MAST4: variants seen among roughly 807,000 people sequenced by gnomAD.
The protein encoded by MAST4 is microtubule associated serine/threonine kinase family member 4, also known as microtubule-associated serine/threonine-protein kinase 4.
A neutral mutation model predicts 162.7 loss-of-function variants in MAST4; 89 were observed. The observed-to-expected ratio is 0.55, with a 90% CI of 0.46 to 0.65. The LOEUF (loss-of-function observed/expected upper bound fraction) is 0.65, where lower values mean the gene tolerates loss of function less well. MAST4 is among the 30% of genes least tolerant of loss of function. The pLI is 0.00. For missense variants in MAST4, 3,153 were observed against 3,374.0 expected, an observed-to-expected ratio of 0.93 and a Z score of 1.62; for synonymous variants, 1,479 against 1,361.1, an observed-to-expected ratio of 1.09 and a Z score of -1.91.
rs533501379 is a variant in MAST4, at chr5:66,742,805, G to A, written c.364-16904G>A. Among the ~76,000 whole-genome samples the A allele has an allele frequency of 4.6e-5, 7 of 152,222 alleles. No homozygotes were observed. In the South Asian group the frequency reaches 6.2e-4, roughly 14 times the overall value. On this transcript the variant is annotated intron_variant, in intron 1 of 28. Coordinates refer to ENST00000403625, the MANE Select transcript of MAST4 (RefSeq NM_001164664.2). ...GGCCTGTTTGGAGCCAGATCTTGTCGTCAAGAACAAATACATGAAGGAAGT... is the reference window on the plus strand; with the variant it reads ...GGCCTGTTTGGAGCCAGATCTTGTCATCAAGAACAAATACATGAAGGAAGT...
At chr5:66,711,660 C>G (rs113233639) in intron 1 of MAST4, among the ~76,000 whole-genome samples, 6 of 152,104 alleles carry the variant, frequency 3.9e-5, no homozygotes, top group Non-Finnish European at 8.8e-5. Context: ...CATGGTGAAA[C>G]CCCATCTCCA....
Position 67,090,200 on chromosome 5 carries a change from A to G in MAST4, c.802A>G (p.Ser268Gly), listed in dbSNP as rs775846433. 6.2e-7 allele frequency: 1 copy of G among 1,612,936 alleles called. No homozygotes were observed. Among genetic ancestry groups the G allele is most frequent in the South Asian group, 1.1e-5 (1 of 90,896 alleles). The change falls in exon 6 of 29, where the codon AGT (serine) becomes GGT (glycine). Residue 268 changes from serine to glycine, a missense_variant. Coordinates refer to ENST00000403625, the MANE Select transcript of MAST4 (RefSeq NM_001164664.2). ...AGATAGTCCAAGAAATTTCTCCCCC[A>G]GTGCCTCAGCCCATTTTTCATTTGC... Reference protein sequence around the residue: ...PQDSPRNFSPSASAHFSFARR... With the variant: ...PQDSPRNFSPGASAHFSFARR...
intron 3 of MAST4, among the ~76,000 whole-genome samples, chr5:66,822,606 A>G (rs1465141740): frequency 6.6e-6 from 1 of 151,966 alleles, no homozygotes; most frequent in Non-Finnish European, 1.5e-5. Context: ...CTCTTCCTCC[A>G]CCCCTCCTGC....
chr5:66,668,140 G>A (rs967032637), intron 1 of MAST4, among the ~76,000 whole-genome samples: 2 of 152,170 alleles, frequency 1.3e-5, no homozygotes, highest in Non-Finnish European at 2.9e-5. Flanking sequence ...ATAACAACTG[G>A]AAATGTAAAG....
At position 67,145,347 on chromosome 5, in the gene MAST4, C is replaced by T; in HGVS notation, c.3062C>T (p.Pro1021Leu). ...CAGGAGGAGCCTGAGGTCACCACCC[C>T]AGCCAGCACCATCAGCAGCTCCACC... is the stretch of plus-strand genomic sequence containing the variant. ...CAQEEPEVTT[P>L]ASTISSSTLS... The change falls in exon 23 of 29, where the codon CCA becomes CTA. Residue 1021 changes from proline to leucine, a missense_variant. Pro to Leu is a moderately conservative substitution (Grantham distance 98, BLOSUM62 -3). Around this residue, in one of 7 missense-constraint regions of MAST4, gnomAD observed 619 missense variants for 744.2 expected, o/e 0.83. Transcript: ENST00000403625. 6.2e-7 allele frequency: 1 copy of T among 1,613,296 alleles called. No homozygotes were observed. The highest frequency in any genetic ancestry group is 8.5e-7 in the Non-Finnish European group (1 of 1,179,870).
intron 6 of MAST4, among the ~76,000 whole-genome samples, chr5:67,093,990 T>C (rs1214282826): frequency 1.3e-5 from 2 of 152,242 alleles, no homozygotes; most frequent in Non-Finnish European, 2.9e-5. Flanking sequence ...AAGCATGTTA[T>C]TACAATTACT....
At chr5:67,001,347 C>CTT (rs1666792455) in intron 4 of MAST4, 1 of 152,226 alleles carries the variant, frequency 6.6e-6, no homozygotes, top group South Asian at 2.1e-4. Flanking sequence ...GTACAATCCA[C>CTT]TTTCGCTCAC....
At chr5:66,904,683 TG>T (rs112075872) in intron 4 of MAST4, among the ~76,000 whole-genome samples, 21,759 of 152,080 alleles carry the variant, frequency 0.14, 1,817 homozygotes, top group South Asian at 0.22. Context: ...CTTGCTTGCT[TG>T]ATTGATGGAT....
intron 4 of MAST4, among the ~76,000 whole-genome samples, chr5:66,992,208 A>T (rs937658098): frequency 6.6e-6 from 1 of 152,186 alleles, no homozygotes; most frequent in Non-Finnish European, 1.5e-5. Flanking sequence ...ATGCATTACC[A>T]TGCTGCTATA....
At chr5:66,715,983 T>G (rs553832246) in intron 1 of MAST4, among the ~76,000 whole-genome samples, 4 of 152,218 alleles carry the variant, frequency 2.6e-5, no homozygotes, top group African/African-American at 9.6e-5. Flanking sequence ...TTAGAACCAT[T>G]TGGTCACAGG....
At chr5:66,602,554 T>C (rs1579960106) in intron 1 of MAST4, among the ~76,000 whole-genome samples, 1 of 149,778 alleles carries the variant, frequency 6.7e-6, no homozygotes, top group Admixed American at 6.7e-5. Flanking sequence ...GTCATGGAAG[T>C]GGGGTATAAA....
intron 4 of MAST4, among the ~76,000 whole-genome samples, chr5:66,953,506 G>T (rs1744937781): frequency 6.6e-6 from 1 of 152,070 alleles, no homozygotes. Context: ...GTATGGCATG[G>T]AGACCCTGAT....
At chr5:67,039,620 G>T (rs183506598) in intron 4 of MAST4, among the ~76,000 whole-genome samples, 1 of 152,154 alleles carries the variant, frequency 6.6e-6, no homozygotes, top group African/African-American at 2.4e-5. Flanking sequence ...ACAAGTGTTC[G>T]TACCTATAAG....
intron 1 of MAST4, among the ~76,000 whole-genome samples, chr5:66,751,718 C>G (rs1753183920): frequency 6.6e-6 from 1 of 150,648 alleles, no homozygotes; most frequent in African/African-American, 2.5e-5. Context: ...GGAAAACACT[C>G]TGCAGGATAT....
chr5:67,038,496 G>A (rs76544846), intron 4 of MAST4, among the ~76,000 whole-genome samples: 1,868 of 152,112 alleles, frequency 0.012, 40 homozygotes, highest in African/African-American at 0.041. Context: ...GGAGTAACGT[G>A]GCTACTTACA....
chr5:66,878,345 C>T (rs27874), intron 3 of MAST4, among the ~76,000 whole-genome samples: 42,525 of 152,148 alleles, frequency 0.28, 6,169 homozygotes, highest in East Asian at 0.53. Context: ...TTTCAAATGG[C>T]CAATTCTGTG....
At chr5:66,834,826 A>C (rs569520338) in intron 3 of MAST4, among the ~76,000 whole-genome samples, 2 of 152,206 alleles carry the variant, frequency 1.3e-5, no homozygotes, top group Non-Finnish European at 2.9e-5. Flanking sequence ...TATCTGAAGC[A>C]CATGGCGCTC....
intron 1 of MAST4, among the ~76,000 whole-genome samples, chr5:66,742,036 G>A (rs896831795): frequency 1.3e-5 from 2 of 152,204 alleles, no homozygotes; most frequent in African/African-American, 4.8e-5. Flanking sequence ...GCGGAGTGCT[G>A]TGTTCTCAGG....
rs151165739 is a variant in MAST4 at position 67,092,133 on chromosome 5, C to T, written c.833+1902C>T. Among the ~76,000 whole-genome samples the T allele has an allele frequency of 4.4e-3, 666 of 152,256 alleles. 5 individuals are homozygous for T. Among genetic ancestry groups the T allele is most frequent in the African/African-American group, 0.014 (571 of 41,544 alleles). On this transcript the variant is annotated intron_variant, in intron 6 of 28. Transcript: ENST00000403625. ...GTTACCTTCCATTTGGTGCACATTG[C>T]TGAGCCTTTAAGAAGTAATGTCATT... is the stretch of plus-strand genomic sequence containing the variant.
Sources: gnomAD v4.1 joint callset for allele counts (sites outside exome capture counted in the v4.1 genomes callset) on GRCh38, gnomAD v4.1.1 for gene constraint, gnomAD v4.1.1 regional missense constraint, MANE v1.5 for transcripts, NCBI Gene and HGNC (gene_info 2026-07-23, HGNC 2026-07-21) for gene names.